Variants in CTNNA2 observed in about 807,000 individuals in gnomAD.
CTNNA2 encodes the protein catenin alpha-2.
Under a neutral mutation model 101.0 loss-of-function variants are expected in CTNNA2, and 42 were observed. That is an observed-to-expected ratio of 0.42 (90% confidence interval 0.32 to 0.54). The LOEUF (loss-of-function observed/expected upper bound fraction) is 0.54. Ranked by LOEUF, CTNNA2 falls within the 20% of genes least tolerant of loss-of-function variation. The probability of loss-of-function intolerance (pLI) is 0.14; values close to 1 mark genes in which losing one functional copy is unlikely to be tolerated. For missense variants in CTNNA2, 871 were observed against 1,223.1 expected (o/e 0.71, Z 4.29); for synonymous variants, 450 against 456.4 (o/e 0.99, Z 0.18).
rs1057036326 is a variant in CTNNA2 at position 79,825,162 on chromosome 2, C to G, written c.299-32851C>G. On this transcript the variant is annotated intron_variant, in intron 3 of 18. Coordinates refer to ENST00000402739, the MANE Select transcript of CTNNA2 (RefSeq NM_001282597.3). ...TAGGATTGTGCCACTGCACTCCGAC[C>G]AGGGTGACAGAGGGAGATCCTGGCT... Among the ~76,000 whole-genome samples, 5 of 152,250 alleles carry G rather than the reference C, an allele frequency of 3.3e-5. No individual in the cohort carries two copies. The South Asian group carries it at 1.0e-3, about 32-fold the overall frequency.
rs116586068 is a variant in CTNNA2 at position 79,969,146 on chromosome 2, C to T, written c.1056+59349C>T. Among the ~76,000 whole-genome samples the T allele has an allele frequency of 8.5e-3, 1,291 of 152,230 alleles. 18 individuals are homozygous for T. Among genetic ancestry groups the T allele is most frequent in the African/African-American group, 0.029 (1,210 of 41,532 alleles). On this transcript the variant is annotated intron_variant, in intron 7 of 18. Coordinates refer to ENST00000402739, the MANE Select transcript of CTNNA2 (RefSeq NM_001282597.3). ...CTAAATTATGCTGGCTTTCCTTGTGCACTACCAACCAATATTAAATCCAGT... is the reference window on the plus strand; with the variant it reads ...CTAAATTATGCTGGCTTTCCTTGTGTACTACCAACCAATATTAAATCCAGT...
intron 18 of CTNNA2, among the ~76,000 whole-genome samples, chr2:80,636,352 C>G (rs1247722591): frequency 6.6e-6 from 1 of 152,124 alleles, no homozygotes; most frequent in Non-Finnish European, 1.5e-5. Context: ...TTATAACCCA[C>G]TTTGTAGCAA....
At chr2:79,400,589 AT>A (rs1240308448) in intron 4 of CTNNA2, among the ~76,000 whole-genome samples, 1 of 152,026 alleles carries the variant, frequency 6.6e-6, no homozygotes, top group African/African-American at 2.4e-5. Flanking sequence ...AATTGAGAGT[AT>A]CCAGTCTGAA....
chr2:79,779,133 G>GT lies in CTNNA2; in HGVS notation c.298+34563dup, dbSNP rs5832408. On this transcript the variant is annotated intron_variant, in intron 3 of 18. Transcript: ENST00000402739. The stretch of plus-strand genomic sequence containing the variant: ...CATTTACAGCTGAAATTCTGTTGTT[G>GT]TTTTTTTTTTTTCCATTTGTGTGTC... 1.7e-3 allele frequency among the ~76,000 whole-genome samples: 244 copies of GT among 147,012 alleles called. 1 individual carries two copies. Among genetic ancestry groups the GT allele is most frequent in the Admixed American group, 4.0e-3 (59 of 14,802 alleles).
intron 1 of CTNNA2, among the ~76,000 whole-genome samples, chr2:79,608,281 A>C (rs1678030236): frequency 6.6e-6 from 1 of 152,084 alleles, no homozygotes; most frequent in African/African-American, 2.4e-5. Flanking sequence ...AAATCTTCCT[A>C]CAAAGAAAAC....
chr2:80,597,436 A>AC (rs1272141686), intron 15 of CTNNA2, among the ~76,000 whole-genome samples: 1 of 152,190 alleles, frequency 6.6e-6, no homozygotes, highest in Non-Finnish European at 1.5e-5. Flanking sequence ...TGACTAAAAC[A>AC]CCAAAAGCAA....
At chr2:79,343,468 A>G (rs2104430961) in intron 3 of CTNNA2, among the ~76,000 whole-genome samples, 1 of 152,270 alleles carries the variant, frequency 6.6e-6, no homozygotes, top group South Asian at 2.1e-4. Flanking sequence ...TCTGAGATGA[A>G]TTGTTTCATG....
chr2:79,441,972 T>A (rs913367747), intron 4 of CTNNA2, among the ~76,000 whole-genome samples: 1 of 152,188 alleles, frequency 6.6e-6, no homozygotes, highest in Non-Finnish European at 1.5e-5. Flanking sequence ...TCTTTCCAAG[T>A]TCAGCCCAAA....
intron 7 of CTNNA2, chr2:80,305,051 TA>T: frequency 1.0e-6 from 1 of 985,000 alleles, no homozygotes; most frequent in Non-Finnish European, 1.2e-6. Context: ...TTTTCCCCTT[TA>T]AAACTGTCTA....
At chr2:79,467,795 A>G (rs947416934) in intron 4 of CTNNA2, among the ~76,000 whole-genome samples, 1 of 152,240 alleles carries the variant, frequency 6.6e-6, no homozygotes, top group African/African-American at 2.4e-5. Flanking sequence ...TAAGTGAAGG[A>G]GAACTAAAAT....
intron 7 of CTNNA2, among the ~76,000 whole-genome samples, chr2:80,178,609 C>T (rs945543773): frequency 6.6e-6 from 1 of 152,184 alleles, no homozygotes; most frequent in African/African-American, 2.4e-5. Context: ...GTTGCAGAGC[C>T]TTCTCCTGTT....
At chr2:79,308,591 G>A (rs995681577) in intron 2 of CTNNA2, among the ~76,000 whole-genome samples, 5 of 152,024 alleles carry the variant, frequency 3.3e-5, no homozygotes, top group South Asian at 4.1e-4. Flanking sequence ...ACCAATGTCC[G>A]GAAGCATTTC....
In CTNNA2 at chr2:80,034,246, A is replaced by G. The variant is rs577994753; in HGVS notation, c.1056+124449A>G. Among the ~76,000 whole-genome samples the G allele has an allele frequency of 7.2e-5, 11 of 152,172 alleles. No homozygotes were observed. In the South Asian group the frequency reaches 2.3e-3, roughly 32 times the overall value. On this transcript the variant is annotated intron_variant, in intron 7 of 18. Coordinates refer to ENST00000402739, the MANE Select transcript of CTNNA2 (RefSeq NM_001282597.3). ...AGATTTTGGAAATCATGAAGAAAAA[A>G]GATTTTCTACTCAATAGAACTGAAA...
At chr2:80,339,379 T>C (rs2149275642) in intron 7 of CTNNA2, among the ~76,000 whole-genome samples, 1 of 152,298 alleles carries the variant, frequency 6.6e-6, no homozygotes, top group South Asian at 2.1e-4. Flanking sequence ...TTTCAGCAGA[T>C]AGAATATTTG....
At chr2:79,813,827 A>C (rs1677240199) in intron 3 of CTNNA2, among the ~76,000 whole-genome samples, 2 of 152,204 alleles carry the variant, frequency 1.3e-5, no homozygotes, top group African/African-American at 2.4e-5. Context: ...CATGACAATG[A>C]TATAAATGGG....
At chr2:79,250,983 GA>G (rs1344702816) in intron 2 of CTNNA2, among the ~76,000 whole-genome samples, 1 of 151,964 alleles carries the variant, frequency 6.6e-6, no homozygotes, top group Non-Finnish European at 1.5e-5. Flanking sequence ...GTTTATTTGG[GA>G]AAAAAATGAT....
At chr2:80,178,965 C>A (rs1001224259) in intron 7 of CTNNA2, among the ~76,000 whole-genome samples, 1 of 152,198 alleles carries the variant, frequency 6.6e-6, no homozygotes, top group Non-Finnish European at 1.5e-5. Flanking sequence ...GTAATATCAT[C>A]AATGTAATGG....
intron 7 of CTNNA2, among the ~76,000 whole-genome samples, chr2:79,925,180 G>T (rs957671933): frequency 6.6e-6 from 1 of 152,096 alleles, no homozygotes; most frequent in South Asian, 2.1e-4. Flanking sequence ...TTTACTAAAG[G>T]TTACATTTAT....
intron 11 of CTNNA2, among the ~76,000 whole-genome samples, chr2:80,550,395 C>A (rs1285393426): frequency 6.6e-6 from 1 of 152,084 alleles, no homozygotes; most frequent in Non-Finnish European, 1.5e-5. Context: ...GTGGCAATTT[C>A]TTGAAGTAAG....
Sources: allele counts gnomAD v4.1 joint callset (sites outside exome capture counted in the v4.1 genomes callset), GRCh38; gene constraint gnomAD v4.1.1; transcripts MANE v1.5; gene names NCBI Gene and HGNC (gene_info 2026-07-23, HGNC 2026-07-21).